Variants in NRF1 observed in about 807,000 individuals in gnomAD.
NRF1 encodes alpha palindromic-binding protein.
Under a neutral mutation model 58.5 loss-of-function variants are expected in NRF1, and 5 were observed. That is an observed-to-expected ratio of 0.09 (90% CI 0.04 to 0.18). The LOEUF (loss-of-function observed/expected upper bound fraction) is 0.18, where lower values mean the gene tolerates loss of function less well. Among genes scored for constraint, NRF1 ranks in the 10% least tolerant of loss-of-function variants. NRF1 has a pLI of 1.00. For missense variants in NRF1, 288 were observed against 657.7 expected (o/e 0.44, Z 6.15); for synonymous variants, 224 against 246.7 (o/e 0.91, Z 0.86).
chr7:129,659,499 C>T (rs1315565785), intron 2 of NRF1, among the ~76,000 whole-genome samples: 2 of 152,152 alleles, frequency 1.3e-5, no homozygotes, highest in Non-Finnish European at 2.9e-5. Flanking sequence ...CATGGATCTG[C>T]TAGTAACAAG....
chr7:129,662,968 A>G lies in NRF1; in HGVS notation c.223+5394A>G, dbSNP rs868561385. ...GGAGTGGTGATGACTCTTAACGAGC[A>G]TGCTGTCTTCAAGCATCTGTTTAAC... On this transcript the variant is annotated intron_variant, in intron 2 of 10. Coordinates refer to ENST00000393232, the MANE Select transcript of NRF1 (RefSeq NM_005011.5). Among the ~76,000 whole-genome samples the G allele has an allele frequency of 1.3e-3, 192 of 152,314 alleles. 2 individuals carry two copies. The highest frequency in any genetic ancestry group is 4.5e-3 in the African/African-American group (189 of 41,564).
chr7:129,754,106 C>CT (rs900995546), intron 10 of NRF1, among the ~76,000 whole-genome samples: 1 of 152,098 alleles, frequency 6.6e-6, no homozygotes, highest in East Asian at 1.9e-4. Flanking sequence ...TGGGAAGGCC[C>CT]TACCCTAAGG....
At chr7:129,688,331 T>C (rs1802486732) in intron 4 of NRF1, among the ~76,000 whole-genome samples, 1 of 152,092 alleles carries the variant, frequency 6.6e-6, no homozygotes, top group Non-Finnish European at 1.5e-5. Flanking sequence ...CTCACCATGT[T>C]GCCTAGGCTG....
chr7:129,715,622 A>G (rs1343281018), intron 8 of NRF1, among the ~76,000 whole-genome samples: 1 of 152,230 alleles, frequency 6.6e-6, no homozygotes, highest in Non-Finnish European at 1.5e-5. Context: ...TAATATACAA[A>G]GTATAATAGT....
At chr7:129,749,688 T>A (rs1196980048) in intron 10 of NRF1, among the ~76,000 whole-genome samples, 1 of 152,170 alleles carries the variant, frequency 6.6e-6, no homozygotes, top group African/African-American at 2.4e-5. Flanking sequence ...GGATCCTTCC[T>A]GGCCCTGGTG....
chr7:129,622,771 C>A (rs1345088790), intron 1 of NRF1, among the ~76,000 whole-genome samples: 1 of 151,964 alleles, frequency 6.6e-6, no homozygotes, highest in African/African-American at 2.4e-5. Flanking sequence ...GATTTCACCA[C>A]GTTAGCTAGG....
At chr7:129,711,000 CTCAAACTCCTGAGCT>C (rs1162495350) in intron 7 of NRF1, among the ~76,000 whole-genome samples, 1 of 150,812 alleles carries the variant, frequency 6.6e-6, no homozygotes, top group Non-Finnish European at 1.5e-5. Flanking sequence ...CCAGGCTGGT[CTCAAACTCCTGAGCT>C]CAAGTGATCC....
At chr7:129,711,336 A>C in intron 7 of NRF1, 139 bp from the exon 8 acceptor site, 1 of 589,692 alleles carries the variant, frequency 1.7e-6, no homozygotes, top group Non-Finnish European at 3.0e-6. Flanking sequence ...TTAGTGAGCT[A>C]TGATTTTAGA....
rs574192790 is a variant in NRF1, at chr7:129,755,401, C to G, written c.*220C>G. ...TGAAGAAACTGCATTGTCAATTTCA[C>G]TGTCCCAAAAAAGCCAAATTGTGGC... On this transcript the variant is annotated 3_prime_UTR_variant, in exon 11 of 11. Coordinates refer to ENST00000393232, the MANE Select transcript of NRF1 (RefSeq NM_005011.5). This position sits in a 1 kb window ranked among gnomAD's most constrained non-coding sequence, Gnocchi z 5.8. 42 of 506,744 alleles carry G rather than the reference C, an allele frequency of 8.3e-5. No homozygotes were observed. Among genetic ancestry groups the G allele is most frequent in the African/African-American group, 7.2e-4 (36 of 50,276 alleles). The allele number at this position is 506,744 out of a possible 1,614,324, so 31.4% of individuals were successfully genotyped here.
chr7:129,693,029 T>A (rs1802606933), intron 5 of NRF1, among the ~76,000 whole-genome samples: 2 of 152,366 alleles, frequency 1.3e-5, no homozygotes, highest in East Asian at 3.9e-4. Flanking sequence ...ACTTGTATAC[T>A]TATTTGTGGT....
At chr7:129,669,765 T>C (rs1175484569) in intron 2 of NRF1, among the ~76,000 whole-genome samples, 1 of 152,202 alleles carries the variant, frequency 6.6e-6, no homozygotes, top group African/African-American at 2.4e-5. Context: ...CCAGCCGCTC[T>C]GGAAAACAGT....
chr7:129,740,248 C>G (rs940732441), intron 10 of NRF1, among the ~76,000 whole-genome samples: 1 of 152,202 alleles, frequency 6.6e-6, no homozygotes, highest in African/African-American at 2.4e-5. Context: ...GTCCTACTCT[C>G]TTTACTGGCT....
At chr7:129,612,892 C>G (rs1287425184) in intron 1 of NRF1, among the ~76,000 whole-genome samples, 1 of 152,180 alleles carries the variant, frequency 6.6e-6, no homozygotes, top group African/African-American at 2.4e-5. Context: ...GTTTAAAAAT[C>G]TTAATACTTG....
Position 129,688,957 on chromosome 7 carries a change from A to G in NRF1, c.466-1449A>G, listed in dbSNP as rs565752245. On this transcript the variant is annotated intron_variant, in intron 4 of 10. Transcript: ENST00000393232. ...TGTGTGTGTGTGTGTGTGAGTAGGC[A>G]GCATAAATACTATCTAGACTACAGG... Among the ~76,000 whole-genome samples, 43 of 152,270 alleles carry G rather than the reference A, an allele frequency of 2.8e-4. 1 individual carries two copies. The highest frequency in any genetic ancestry group is 5.3e-4 in the Non-Finnish European group (36 of 68,022).
chr7:129,619,194 G>T (rs1196027620), intron 1 of NRF1, among the ~76,000 whole-genome samples: 3 of 151,534 alleles, frequency 2.0e-5, no homozygotes, highest in African/African-American at 7.3e-5. Context: ...TTATAGGGTT[G>T]AAGAAGCTGA....
intron 1 of NRF1, among the ~76,000 whole-genome samples, chr7:129,612,440 G>T (rs1392131028): frequency 1.3e-5 from 2 of 152,206 alleles, no homozygotes; most frequent in African/African-American, 2.4e-5. Flanking sequence ...CAGGTAGACT[G>T]GGGGACGCTG....
At chr7:129,739,411 G>C (rs1471031511) in intron 10 of NRF1, among the ~76,000 whole-genome samples, 3 of 152,122 alleles carry the variant, frequency 2.0e-5, no homozygotes, top group African/African-American at 7.2e-5. Flanking sequence ...CTGATCTAAG[G>C]GCTATATCAA....
intron 2 of NRF1, among the ~76,000 whole-genome samples, chr7:129,669,224 G>A (rs1044222166): frequency 6.6e-6 from 1 of 152,136 alleles, no homozygotes; most frequent in African/African-American, 2.4e-5. Flanking sequence ...TGAGATTACA[G>A]GTGTGAGCCA....
chr7:129,697,756 A>G (rs1802732826), intron 5 of NRF1, among the ~76,000 whole-genome samples: 1 of 127,204 alleles, frequency 7.9e-6, no homozygotes, highest in Non-Finnish European at 1.8e-5. Context: ...TGTTTTTGAG[A>G]CAGAGTCTCA....
Sources: gnomAD v4.1 joint callset for allele counts (sites outside exome capture counted in the v4.1 genomes callset) on GRCh38, gnomAD v4.1.1 for gene constraint, Gnocchi (gnomAD v3.1) non-coding constraint, MANE v1.5 for transcripts, NCBI Gene and HGNC (gene_info 2026-07-23, HGNC 2026-07-21) for gene names.